The following UBE3D variants were observed in gnomAD, a reference collection of about 807,000 sequenced individuals.
The protein encoded by UBE3D is E3 ubiquitin-protein ligase E3D.
Under a neutral mutation model 49.6 loss-of-function variants are expected in UBE3D, and 48 were observed. That is an observed-to-expected ratio of 0.97 (90% CI 0.77 to 1.23). UBE3D has a LOEUF of 1.23. Ranked by LOEUF, UBE3D falls within the 50% of genes most tolerant of loss-of-function variation. UBE3D has a pLI of 0.00. For missense variants in UBE3D, 452 were observed against 468.4 expected (o/e 0.96, Z 0.32); for synonymous variants, 189 against 174.2 (o/e 1.08, Z -0.67).
intron 3 of UBE3D, among the ~76,000 whole-genome samples, chr6:83,049,124 GC>G (rs1783283547): frequency 6.6e-6 from 1 of 152,052 alleles, no homozygotes; most frequent in African/African-American, 2.4e-5. Context: ...GAAAATGCAT[GC>G]CCCTTTAATA....
chr6:82,958,446 C>T (rs1372567377), intron 8 of UBE3D, among the ~76,000 whole-genome samples: 1 of 152,112 alleles, frequency 6.6e-6, no homozygotes, highest in Non-Finnish European at 1.5e-5. Context: ...CTCTGAAAAG[C>T]AATCTTTAAC....
At chr6:82,915,637 C>T (rs1190880168) in intron 9 of UBE3D, among the ~76,000 whole-genome samples, 1 of 152,196 alleles carries the variant, frequency 6.6e-6, no homozygotes, top group Non-Finnish European at 1.5e-5. Context: ...ACCATTTCTT[C>T]TTGTCAACAT....
At chr6:83,026,847 A>C (rs2127782118) in intron 5 of UBE3D, among the ~76,000 whole-genome samples, 1 of 152,140 alleles carries the variant, frequency 6.6e-6, no homozygotes, top group African/African-American at 2.4e-5. Context: ...ATGCACCACT[A>C]TGCCCAGTTA....
chr6:82,956,192 A>G (rs1776144466), intron 9 of UBE3D, among the ~76,000 whole-genome samples: 1 of 152,232 alleles, frequency 6.6e-6, no homozygotes, highest in Non-Finnish European at 1.5e-5. Flanking sequence ...GGATACATTA[A>G]TAACCCTTCA....
chr6:83,003,243 C>T (rs1356129095), intron 8 of UBE3D, among the ~76,000 whole-genome samples: 2 of 152,146 alleles, frequency 1.3e-5, no homozygotes, highest in African/African-American at 4.8e-5. Context: ...ATCCTCTACC[C>T]AATCCCAGTC....
At chr6:82,885,968 C>G in the UBE3D span, among the ~76,000 whole-genome samples, 1 of 152,200 alleles carries the variant, frequency 6.6e-6, no homozygotes, top group Non-Finnish European at 1.5e-5. Context: ...TTGGGAGGGC[C>G]CTCTTTGTAC....
At chr6:82,973,339 C>A (rs1357894001) in intron 8 of UBE3D, among the ~76,000 whole-genome samples, 1 of 152,160 alleles carries the variant, frequency 6.6e-6, no homozygotes, top group Non-Finnish European at 1.5e-5. Flanking sequence ...AACTGACTTG[C>A]AGAGAGGTCT....
chr6:83,063,120 CA>C, intron 1 of UBE3D: 11 of 246,310 alleles, frequency 4.5e-5, no homozygotes, highest in South Asian at 7.3e-5. Context: ...AGGACACTAT[CA>C]AAAAAACGAG....
chr6:82,895,175 G>A (rs1188185633), intron 9 of UBE3D, among the ~76,000 whole-genome samples: 3 of 152,100 alleles, frequency 2.0e-5, no homozygotes, highest in African/African-American at 7.2e-5. Context: ...GCCAGGCATG[G>A]TGGCAGGTAC....
At chr6:83,044,350 C>T (rs1582731343) in intron 4 of UBE3D, 78 bp downstream of exon 4, 2 of 1,403,896 alleles carry the variant, frequency 1.4e-6, no homozygotes, top group Non-Finnish European at 2.0e-6. Context: ...GTAACAAGCC[C>T]TTAATTAGGA....
intron 9 of UBE3D, among the ~76,000 whole-genome samples, chr6:82,942,850 C>A (rs182572943): frequency 1.1e-3 from 169 of 152,350 alleles, no homozygotes; most frequent in African/African-American, 3.9e-3. Flanking sequence ...TCTGAGCCCC[C>A]ACACAGAGTA....
chr6:83,028,057 T>TC lies in UBE3D; in HGVS notation c.668-4020_668-4019insG, dbSNP rs370367827. ...ATCTGGTGTTAAACCACTGGCTGAG[T>TC]TTTTAATATCAATTATAACACTTTT... is the stretch of plus-strand genomic sequence containing the variant. On this transcript the variant is annotated intron_variant, in intron 5 of 9. Coordinates refer to ENST00000369747, the MANE Select transcript of UBE3D (RefSeq NM_198920.3). 2.6e-4 allele frequency among the ~76,000 whole-genome samples: 39 copies of TC among 152,298 alleles called. No individual in the cohort carries two copies. The East Asian group carries it at 7.3e-3, about 29-fold the overall frequency.
chr6:83,008,550 T>C (rs1159567186), intron 8 of UBE3D, among the ~76,000 whole-genome samples: 1 of 152,138 alleles, frequency 6.6e-6, no homozygotes, highest in Admixed American at 6.5e-5. Context: ...GAGATGTGTA[T>C]CTATTGCTAG....
At chr6:82,939,762 T>C (rs1052590215) in intron 9 of UBE3D, among the ~76,000 whole-genome samples, 4 of 152,096 alleles carry the variant, frequency 2.6e-5, no homozygotes, top group Non-Finnish European at 5.9e-5. Context: ...CATGACATGT[T>C]TCTCAGAATG....
chr6:83,000,096 G>A (rs1183061679), intron 8 of UBE3D, among the ~76,000 whole-genome samples: 1 of 151,942 alleles, frequency 6.6e-6, no homozygotes, highest in Admixed American at 6.6e-5. Flanking sequence ...CCTTCAATTA[G>A]CCTATAAATG....
intron 5 of UBE3D, among the ~76,000 whole-genome samples, chr6:83,031,416 G>C (rs1236826575): frequency 2.0e-5 from 3 of 152,300 alleles, no homozygotes; most frequent in Non-Finnish European, 2.9e-5. Context: ...CCCATTTTCT[G>C]GGGGGAAATT....
chr6:83,016,121 A>G (rs1351576907), intron 8 of UBE3D, among the ~76,000 whole-genome samples: 1 of 151,860 alleles, frequency 6.6e-6, no homozygotes, highest in Non-Finnish European at 1.5e-5. Context: ...CACAATTTCA[A>G]CTCTTTCTCT....
At chr6:83,030,253 C>T (rs908238881) in intron 5 of UBE3D, among the ~76,000 whole-genome samples, 2 of 151,972 alleles carry the variant, frequency 1.3e-5, no homozygotes, top group Non-Finnish European at 2.9e-5. Context: ...ATGTCTCCAC[C>T]CAAATCTCAT....
intron 9 of UBE3D, among the ~76,000 whole-genome samples, chr6:82,936,076 G>A (rs185935808): frequency 0.018 from 2,669 of 151,294 alleles, 33 homozygotes; most frequent in Middle Eastern, 0.048. Context: ...GTGCCTAGAG[G>A]TGGTAAAAAA....
Sources: allele counts gnomAD v4.1 joint callset (sites outside exome capture counted in the v4.1 genomes callset), GRCh38; gene constraint gnomAD v4.1.1; transcripts MANE v1.5; gene names NCBI Gene and HGNC (gene_info 2026-07-23, HGNC 2026-07-21).